The following CLEC4E variants were observed in gnomAD, a reference collection of about 807,000 sequenced individuals.
The protein encoded by CLEC4E is C-type lectin domain family 4 member E, also known as C-type (calcium dependent, carbohydrate-recognition domain) lectin, superfamily member 9.
CLEC4E carries 21 observed loss-of-function variants against 24.7 expected under a neutral mutation model. That is an observed-to-expected ratio of 0.85 (90% CI 0.60 to 1.22). The LOEUF (loss-of-function observed/expected upper bound fraction) is 1.22, where lower values mean the gene tolerates loss of function less well. CLEC4E is among the 50% of genes most tolerant of loss of function. The pLI is 0.00. For missense variants in CLEC4E, 249 were observed against 254.1 expected (o/e 0.98, Z 0.14); for synonymous variants, 94 against 85.7 (o/e 1.10, Z -0.54).
At chr12:8,538,631 T>C (rs1047509639) in intron 3 of CLEC4E, among the ~76,000 whole-genome samples, 2 of 152,220 alleles carry the variant, frequency 1.3e-5, no homozygotes, top group Non-Finnish European at 2.9e-5. Flanking sequence ...TGTGTCTTTA[T>C]TTCTACATGC....
At chr12:8,537,328 C>A in intron 3 of CLEC4E, 62 bp from the exon 4 acceptor site, 1 of 1,514,634 alleles carries the variant, frequency 6.6e-7, no homozygotes, top group Non-Finnish European at 9.0e-7. Flanking sequence ...CCCAAAGCTT[C>A]ATCTGGCCCC....
At chr12:8,537,024 A>C in intron 4 of CLEC4E, 91 bp downstream of exon 4, 1 of 1,142,140 alleles carries the variant, frequency 8.8e-7, no homozygotes, top group Non-Finnish European at 1.2e-6. Flanking sequence ...CATTAACAAT[A>C]GTCATTGGGG....
Position 8,534,302 on chromosome 12 carries a change from G to C in CLEC4E, c.*336C>G, listed in dbSNP as rs751685174. On this transcript the variant is annotated 3_prime_UTR_variant, in exon 6 of 6. Coordinates refer to ENST00000299663, the MANE Select transcript of CLEC4E (RefSeq NM_014358.4). ...CCCGGATTCAGGAGATTTTTGGAAG[G>C]CACCTTCCAAAATCCCCTTCTTTGC... is the stretch of plus-strand genomic sequence containing the variant. The C allele has an allele frequency of 7.6e-4, 126 of 166,782 alleles. No individual in the cohort carries two copies. The highest frequency in any genetic ancestry group is 2.8e-3 in the African/African-American group (118 of 41,908). 10.3% of individuals were successfully genotyped at this position (166,782 alleles called of 1,614,324 possible). A position where few individuals can be genotyped will look rare whatever the true frequency, so the allele number is the denominator to read the frequency against.
chr12:8,535,314 A>G (rs1940597621), intron 5 of CLEC4E, among the ~76,000 whole-genome samples: 1 of 152,204 alleles, frequency 6.6e-6, no homozygotes, highest in Admixed American at 6.5e-5. Flanking sequence ...AACTCTGCTG[A>G]GTTTTAGTTT....
rs560059492 is a variant in CLEC4E at position 8,534,184 on chromosome 12, G to A, written c.*454C>T. On this transcript the variant is annotated 3_prime_UTR_variant, in exon 6 of 6. Coordinates refer to ENST00000299663, the MANE Select transcript of CLEC4E (RefSeq NM_014358.4). ...TCATTATACAGGGGAGTAAAGAGAC[G>A]ATATATGCTTGGGCAGGAGATAAGA... 6.5e-6 allele frequency: 1 copy of A among 153,934 alleles called. No individual in the cohort carries two copies. The highest frequency in any genetic ancestry group is 2.4e-5 in the African/African-American group (1 of 41,464). 9.5% of individuals were successfully genotyped at this position (153,934 alleles called of 1,614,324 possible). A position where few individuals can be genotyped will look rare whatever the true frequency, so the allele number is the denominator to read the frequency against.
At chr12:8,539,816 C>G in intron 2 of CLEC4E, 39 bp downstream of exon 2, 1 of 1,290,834 alleles carries the variant, frequency 7.7e-7, no homozygotes. Context: ...CTAATATGCA[C>G]CAGGAAGAAT....
chr12:8,540,103 G>C (rs1186010695), intron 1 of CLEC4E, among the ~76,000 whole-genome samples, 156 bp from the exon 2 acceptor site: 1 of 152,074 alleles, frequency 6.6e-6, no homozygotes, highest in African/African-American at 2.4e-5. Context: ...TCACTTGGAG[G>C]GTTTATGGAA....
chr12:8,540,786 A>G lies in CLEC4E; in HGVS notation c.12T>C (p.Ser4=), dbSNP rs767665726. MNS[S]KSSETQCTER... The stretch of plus-strand genomic sequence containing the variant: ...CTGTGCATTGTGTTTCAGATGATTT[A>G]GATGAATTCATTTTTTCTCTCTCTT... The change falls in exon 1 of 6, where the codon TCT becomes TCC. Residue 4 remains serine, a synonymous_variant. Transcript: ENST00000299663. 1.9e-6 allele frequency: 3 copies of G among 1,608,612 alleles called. No individual in the cohort carries two copies. Among genetic ancestry groups the G allele is most frequent in the Admixed American group, 3.3e-5 (2 of 59,934 alleles).
At chr12:8,539,328 G>A (rs1165154188) in intron 2 of CLEC4E, 22 bp from the exon 3 acceptor site, 3 of 1,496,984 alleles carry the variant, frequency 2.0e-6, no homozygotes, top group African/African-American at 1.4e-5. Flanking sequence ...AGGGCATAAT[G>A]TTTGTTAGTC....
chr12:8,539,346 G>A (rs541299751), intron 2 of CLEC4E, 40 bp from the exon 3 acceptor site: 41 of 1,303,448 alleles, frequency 3.1e-5, no homozygotes, highest in East Asian at 1.4e-4. Flanking sequence ...GTCTTATTTC[G>A]GTTAAAAATG....
rs1349228372 is a variant in CLEC4E, at chr12:8,533,532, T to G, written c.*1106A>C. 2 of 152,146 alleles carry G rather than the reference T, an allele frequency of 1.3e-5. No homozygotes were observed. Among genetic ancestry groups the G allele is most frequent in the Non-Finnish European group, 2.9e-5 (2 of 68,042 alleles). The allele number at this position is 152,146 out of a possible 1,614,324, so 9.4% of individuals were successfully genotyped here. ...TACTAAGCAGCCTTAAAAAAGAAGA[T>G]TATGTCTTTTGTGGGAACATCGGTA... On this transcript the variant is annotated 3_prime_UTR_variant, in exon 6 of 6. Transcript: ENST00000299663.
At chr12:8,536,643 G>A (rs1252168314) in intron 4 of CLEC4E, among the ~76,000 whole-genome samples, 1 of 151,920 alleles carries the variant, frequency 6.6e-6, no homozygotes, top group Non-Finnish European at 1.5e-5. Context: ...TTTTTTTGTG[G>A]TAAAATATAC....
chr12:8,535,404 GA>G (rs1294457620), intron 5 of CLEC4E, among the ~76,000 whole-genome samples: 15 of 151,902 alleles, frequency 9.9e-5, no homozygotes, highest in East Asian at 1.9e-4. Flanking sequence ...TAATAAATGA[GA>G]AAAAAAATTA....
rs181183913 is a variant in CLEC4E, at chr12:8,533,734, A to G, written c.*904T>C. 6.6e-6 allele frequency: 1 copy of G among 152,316 alleles called. No individual in the cohort carries two copies. Among genetic ancestry groups the G allele is most frequent in the East Asian group, 1.9e-4 (1 of 5,190 alleles). The allele number at this position is 152,316 out of a possible 1,614,324, so 9.4% of individuals were successfully genotyped here. A position where few individuals can be genotyped will look rare whatever the true frequency, so the allele number is the denominator to read the frequency against. The stretch of plus-strand genomic sequence containing the variant: ...GGAGGGAGAGGAGCCGAAAAAAACA[A>G]TATTAGGCACTGGGCTTAATACCTG... On this transcript the variant is annotated 3_prime_UTR_variant, in exon 6 of 6. Coordinates refer to ENST00000299663, the MANE Select transcript of CLEC4E (RefSeq NM_014358.4).
At chr12:8,539,705 T>C (rs753024569) in intron 2 of CLEC4E, 150 bp downstream of exon 2, 1 of 645,820 alleles carries the variant, frequency 1.5e-6, no homozygotes, top group African/African-American at 1.8e-5. Flanking sequence ...GTTTCTGGTT[T>C]GAGAAATAAC....
In CLEC4E at chr12:8,534,600, TCTTC is replaced by T; in HGVS notation, c.*34_*37del. 6.4e-7 allele frequency: 1 copy of T among 1,561,404 alleles called. No homozygotes were observed. The highest frequency in any genetic ancestry group is 8.7e-7 in the Non-Finnish European group (1 of 1,143,050). ...GCGGTGGGTGTGGCCATGTTCTTGCTCTTCCTTCTTTACACATTTGAGTTGTGCC... is the reference window on the plus strand; with the variant it reads ...GCGGTGGGTGTGGCCATGTTCTTGCTCTTCTTTACACATTTGAGTTGTGCC... On this transcript the variant is annotated 3_prime_UTR_variant, in exon 6 of 6. Transcript: ENST00000299663.
In CLEC4E at chr12:8,539,279, T is replaced by C. The variant is rs79940141; in HGVS notation, c.158A>G (p.Asp53Gly). The C allele has an allele frequency of 1.4e-3, 2,242 of 1,612,778 alleles. 31 individuals carry two copies. The African/African-American group carries it at 0.027, about 19-fold the overall frequency. The change falls in exon 3 of 6, where the codon GAT becomes GGT. Residue 53 changes from aspartate (D) to glycine (G), a missense_variant. Physicochemically the swap from Asp to Gly is moderately conservative, Grantham distance 94. Coordinates refer to ENST00000299663, the MANE Select transcript of CLEC4E (RefSeq NM_014358.4). ...CTCAGGTAGCTGAAACTTTTTCTCA[T>C]CACAGGTTTGAAAGATGCGAAATGT... Reference protein sequence around the residue: ...VVTFRIFQTCDEKKFQLPENF... With the variant: ...VVTFRIFQTCGEKKFQLPENF...
Position 8,539,233 on chromosome 12 carries a change from G to A in CLEC4E, c.204C>T (p.Cys68=). The A allele has an allele frequency of 6.2e-7, 1 of 1,609,376 alleles. No individual in the cohort carries two copies. ...CTATTATACCTGATCCATAATTGTA[G>A]CAGGAGAGCTCTGTGAAATTCTCAG... ...QLPENFTELS[C]YNYGSGSVKN... is the part of the protein sequence containing the mutation. Residue 68 remains cysteine, a synonymous_variant, in exon 3 of 6, where the codon TGC becomes TGT. Transcript: ENST00000299663.
intron 3 of CLEC4E, chr12:8,538,870 A>G: frequency 2.9e-6 from 1 of 341,118 alleles, no homozygotes; most frequent in East Asian, 4.5e-5. Flanking sequence ...AAGAGCATAG[A>G]GAGTATATTT....
Sources: gnomAD v4.1 joint callset for allele counts (sites outside exome capture counted in the v4.1 genomes callset) on GRCh38, gnomAD v4.1.1 for gene constraint, MANE v1.5 for transcripts, NCBI Gene and HGNC (gene_info 2026-07-23, HGNC 2026-07-21) for gene names.